Variants in DMD observed in about 807,000 individuals in gnomAD.
The protein encoded by DMD is dystrophin, also known as mutant dystrophin.
Under a neutral mutation model 330.1 loss-of-function variants are expected in DMD, and 63 were observed. The ratio of observed to expected loss-of-function variants is 0.19; its 90% CI spans 0.16 to 0.24. The LOEUF (loss-of-function observed/expected upper bound fraction) is 0.24, where lower values mean the gene tolerates loss of function less well. DMD is among the 10% of genes least tolerant of loss of function. The pLI, the probability that DMD is intolerant of heterozygous loss-of-function variation, is 1.00. For synonymous variants in DMD, 1,223 were observed against 959.8 expected (o/e 1.27, Z -5.07); for missense variants, 3,344 against 2,684.1 (o/e 1.25, Z -5.43).
intron 43 of DMD, among the ~76,000 whole-genome samples, chrX:32,278,526 A>T (rs1003930341): frequency 9.0e-6 from 1 of 111,422 alleles, no homozygotes; most frequent in Non-Finnish European, 1.9e-5. Context: ...ACTCAAACAA[A>T]CGTACAAGAA....
intron 4 of DMD, among the ~76,000 whole-genome samples, chrX:32,837,835 A>G (rs1209116492): frequency 1.8e-5 from 2 of 111,955 alleles, no homozygotes; most frequent in Non-Finnish European, 3.8e-5. Context: ...CATTCCCAAT[A>G]ATGACAGACA....
intron 20 of DMD, among the ~76,000 whole-genome samples, chrX:32,485,793 G>A (rs1201463033): frequency 3.5e-5 from 3 of 85,558 alleles, no homozygotes; most frequent in East Asian, 4.2e-4. Context: ...GCCCAGGCTG[G>A]AGTGCAATGA....
intron 2 of DMD, among the ~76,000 whole-genome samples, chrX:33,013,175 C>A (rs1359651136): frequency 9.1e-6 from 1 of 110,494 alleles, no homozygotes; most frequent in Non-Finnish European, 1.9e-5. Flanking sequence ...TTTCTTGGGT[C>A]CTAGCTTCAT....
At position 32,337,858 on chromosome X, in the gene DMD, A is replaced by G. The variant is rs775688174; in HGVS notation, c.5922+4242T>C. ...GTGGCACTGACCAAATTTTAGGATTATAAGCTTTTTTAATAAATGTTCTTA... is the reference window on the plus strand; with the variant it reads ...GTGGCACTGACCAAATTTTAGGATTGTAAGCTTTTTTAATAAATGTTCTTA... On this transcript the variant is annotated intron_variant, in intron 41 of 78. Coordinates refer to ENST00000357033, the MANE Select transcript of DMD (RefSeq NM_004006.3). 2.7e-5 allele frequency among the ~76,000 whole-genome samples: 3 copies of G among 111,450 alleles called. No homozygotes were observed. In the East Asian group the frequency reaches 8.5e-4, roughly 31 times the overall value.
At chrX:32,081,022 T>C (rs776847034) in intron 44 of DMD, among the ~76,000 whole-genome samples, 8 of 112,189 alleles carry the variant, frequency 7.1e-5, no homozygotes, top group Admixed American at 2.8e-4. Context: ...ACAAATGCTC[T>C]GTGATCCTTC....
At chrX:32,715,263 G>T (rs1422582631) in intron 7 of DMD, among the ~76,000 whole-genome samples, 3 of 110,036 alleles carry the variant, frequency 2.7e-5, no homozygotes, top group African/African-American at 9.9e-5. Flanking sequence ...AGGATCACAA[G>T]GTCAAGAGAT....
chrX:33,169,565 T>C (rs986374233), intron 1 of DMD, among the ~76,000 whole-genome samples: 1 of 112,036 alleles, frequency 8.9e-6, no homozygotes, highest in African/African-American at 3.2e-5. Flanking sequence ...GGTTTAAATT[T>C]TGAATTAATG....
chrX:33,265,527 A>G (rs1289404631), intron 1 of DMD, among the ~76,000 whole-genome samples: 1 of 111,372 alleles, frequency 9.0e-6, no homozygotes, highest in East Asian at 2.8e-4. Flanking sequence ...AACTTTGGCA[A>G]TAAAAGATCC....
chrX:32,371,717 A>G (rs1026458989), intron 34 of DMD, among the ~76,000 whole-genome samples: 2 of 111,081 alleles, frequency 1.8e-5, no homozygotes, highest in Non-Finnish European at 3.8e-5. Flanking sequence ...CATATGCTAA[A>G]CAATATTGGC....
At chrX:33,038,677 G>A (rs143027254) in intron 1 of DMD, among the ~76,000 whole-genome samples, 8,061 of 111,804 alleles carry the variant, frequency 0.072, 228 homozygotes, top group African/African-American at 0.099. Context: ...AATTTTGACT[G>A]AAAAGTTTTG....
At chrX:32,394,761 C>G (rs998371183) in intron 30 of DMD, among the ~76,000 whole-genome samples, 12 of 108,216 alleles carry the variant, frequency 1.1e-4, no homozygotes, top group African/African-American at 4.0e-4. Flanking sequence ...GTAGAGGGCC[C>G]AAATTATACA....
At chrX:33,186,912 C>A (rs1444848228) in intron 1 of DMD, among the ~76,000 whole-genome samples, 2 of 111,701 alleles carry the variant, frequency 1.8e-5, no homozygotes, top group Non-Finnish European at 3.8e-5. Context: ...TATCTTGTCA[C>A]CTCCTGTTCA....
intron 61 of DMD, among the ~76,000 whole-genome samples, chrX:31,329,786 T>C (rs993582324): frequency 9.2e-6 from 1 of 108,379 alleles, no homozygotes; most frequent in Non-Finnish European, 1.9e-5. Flanking sequence ...TCCTGGCCGA[T>C]GTGGTGAAAC....
chrX:32,474,791 C>A (rs1028123242), intron 21 of DMD, among the ~76,000 whole-genome samples: 2 of 111,059 alleles, frequency 1.8e-5, no homozygotes, highest in African/African-American at 3.3e-5. Flanking sequence ...AGATTTTATC[C>A]CACTCCATGG....
intron 47 of DMD, among the ~76,000 whole-genome samples, chrX:31,905,239 T>TTC (rs959107505): frequency 3.6e-5 from 4 of 110,952 alleles, no homozygotes; most frequent in African/African-American, 1.3e-4. Flanking sequence ...ACAGACAATT[T>TTC]ATCTTTGAGT....
intron 13 of DMD, among the ~76,000 whole-genome samples, chrX:32,590,270 C>A (rs565256064): frequency 8.9e-6 from 1 of 112,264 alleles, no homozygotes; most frequent in African/African-American, 3.2e-5. Context: ...AAGTGAGAAA[C>A]CATACCAGTG....
At chrX:33,200,925 CT>C (rs10678250) in intron 1 of DMD, among the ~76,000 whole-genome samples, 4 of 52,808 alleles carry the variant, frequency 7.6e-5, no homozygotes, top group Non-Finnish European at 9.0e-5. Flanking sequence ...AATCAATAGA[CT>C]TTTTTTTTTT....
At chrX:32,740,957 G>A (rs980219337) in intron 7 of DMD, among the ~76,000 whole-genome samples, 3 of 111,243 alleles carry the variant, frequency 2.7e-5, no homozygotes, top group Non-Finnish European at 5.7e-5. Flanking sequence ...TTTCATTATA[G>A]CATGCTGTTG....
intron 62 of DMD, among the ~76,000 whole-genome samples, chrX:31,300,212 C>A (rs1292722888): frequency 8.9e-6 from 1 of 111,930 alleles, no homozygotes; most frequent in Non-Finnish European, 1.9e-5. Context: ...ATTGGTGCAG[C>A]CAACAAAAAA....
Sources: allele counts gnomAD v4.1 joint callset (sites outside exome capture counted in the v4.1 genomes callset), GRCh38; gene constraint gnomAD v4.1.1; transcripts MANE v1.5; gene names NCBI Gene and HGNC (gene_info 2026-07-23, HGNC 2026-07-21).